RAB28: variants seen among roughly 807,000 people sequenced by gnomAD.
RAB28 encodes RAB28, member RAS oncogene family, also known as ras-related protein Rab-28.
Under a neutral mutation model 31.7 loss-of-function variants are expected in RAB28, and 24 were observed. The observed-to-expected ratio is 0.76, with a 90% confidence interval of 0.55 to 1.06. RAB28 has a LOEUF of 1.06. Among genes scored for constraint, RAB28 ranks in the 50% least tolerant of loss-of-function variants. The pLI is 0.00. For missense variants in RAB28, 254 were observed against 258.5 expected (o/e 0.98, Z 0.12); for synonymous variants, 100 against 90.4 (o/e 1.11, Z -0.60).
At chr4:13,450,203 T>A (rs11733647) in intron 4 of RAB28, among the ~76,000 whole-genome samples, 8,495 of 151,834 alleles carry the variant, frequency 0.056, 544 homozygotes, top group African/African-American at 0.16. Flanking sequence ...AAATAAAAAG[T>A]CAAAAGCTTA....
At chr4:13,468,995 T>C (rs1715996318) in intron 3 of RAB28, among the ~76,000 whole-genome samples, 10 of 151,794 alleles carry the variant, frequency 6.6e-5, no homozygotes, top group Admixed American at 6.6e-4. Context: ...AGACACACAT[T>C]ACCAAAACTA....
At chr4:13,412,668 G>C (rs577508046) in intron 4 of RAB28, among the ~76,000 whole-genome samples, 5 of 151,914 alleles carry the variant, frequency 3.3e-5, no homozygotes, top group Admixed American at 2.6e-4. Context: ...TTTATACAAA[G>C]GCACAACAAG....
chr4:13,469,601 AG>A (rs1441783549), intron 3 of RAB28, among the ~76,000 whole-genome samples: 1 of 152,086 alleles, frequency 6.6e-6, no homozygotes, highest in Non-Finnish European at 1.5e-5. Context: ...TAGTTTATAT[AG>A]TACTTCGTTT....
chr4:13,450,888 T>C (rs1435972569), intron 4 of RAB28, among the ~76,000 whole-genome samples: 1 of 151,800 alleles, frequency 6.6e-6, no homozygotes. Flanking sequence ...AAAATAAACA[T>C]GCCTTGCACT....
intron 5 of RAB28, among the ~76,000 whole-genome samples, chr4:13,377,099 C>G (rs1355795712): frequency 2.6e-5 from 4 of 151,994 alleles, no homozygotes; most frequent in Non-Finnish European, 1.5e-5. Context: ...TCATATCATT[C>G]CAGCAAATTC....
rs145460311 is a variant in RAB28 at position 13,469,472 on chromosome 4, A to C, written c.261+4846T>G. On this transcript the variant is annotated intron_variant, in intron 3 of 6. Coordinates refer to ENST00000330852, the MANE Select transcript of RAB28 (RefSeq NM_001017979.3). Reference sequence around the variant, plus strand: ...TTTCAAGTTTAATAAATCCCTCTTCAACAATAGTTTCCTTCATTTTATGCC... The same window carrying C: ...TTTCAAGTTTAATAAATCCCTCTTCCACAATAGTTTCCTTCATTTTATGCC... Among the ~76,000 whole-genome samples the C allele has an allele frequency of 5.7e-4, 87 of 152,096 alleles. 1 individual carries two copies. Among genetic ancestry groups the C allele is most frequent in the Middle Eastern group, 3.4e-3 (1 of 294 alleles).
intron 3 of RAB28, among the ~76,000 whole-genome samples, chr4:13,463,941 A>G (rs1715719081): frequency 6.6e-6 from 1 of 152,140 alleles, no homozygotes; most frequent in Admixed American, 6.6e-5. Flanking sequence ...AGAAAAAGGC[A>G]GAACAAACTG....
At chr4:13,455,283 A>G (rs1715236091) in intron 4 of RAB28, among the ~76,000 whole-genome samples, 1 of 152,188 alleles carries the variant, frequency 6.6e-6, no homozygotes, top group Non-Finnish European at 1.5e-5. Context: ...CAGTGGTTCA[A>G]GGATCTCTCC....
chr4:13,428,909 A>C (rs1181400795), intron 4 of RAB28, among the ~76,000 whole-genome samples: 1 of 152,002 alleles, frequency 6.6e-6, no homozygotes, highest in Non-Finnish European at 1.5e-5. Context: ...AATGCCGAAG[A>C]AGCATTTGGC....
intron 4 of RAB28, among the ~76,000 whole-genome samples, chr4:13,437,011 A>G (rs983254520): frequency 1.3e-5 from 2 of 152,190 alleles, no homozygotes; most frequent in Non-Finnish European, 2.9e-5. Flanking sequence ...TAACAAATAG[A>G]CACATAGACC....
At chr4:13,457,652 C>T (rs1715370554) in intron 4 of RAB28, among the ~76,000 whole-genome samples, 1 of 151,760 alleles carries the variant, frequency 6.6e-6, no homozygotes, top group African/African-American at 2.4e-5. Context: ...TATTAAATCT[C>T]CAACATAACA....
intron 4 of RAB28, among the ~76,000 whole-genome samples, chr4:13,433,052 C>A (rs1713897400): frequency 6.6e-6 from 1 of 150,606 alleles, no homozygotes; most frequent in African/African-American, 2.4e-5. Flanking sequence ...CAACCTTATG[C>A]TGCTGTGAAG....
intron 4 of RAB28, among the ~76,000 whole-genome samples, chr4:13,391,612 T>C (rs1189482677): frequency 2.4e-4 from 36 of 152,168 alleles, no homozygotes. Context: ...ACACGTATGT[T>C]TATTGTGGCA....
At chr4:13,397,736 G>A (rs965923222) in intron 4 of RAB28, among the ~76,000 whole-genome samples, 1 of 151,828 alleles carries the variant, frequency 6.6e-6, no homozygotes, top group East Asian at 1.9e-4. Flanking sequence ...TGAAACTTGC[G>A]GATTTTCTCT....
intron 2 of RAB28, among the ~76,000 whole-genome samples, chr4:13,477,573 C>T (rs151158058): frequency 2.8e-3 from 420 of 151,084 alleles, no homozygotes; most frequent in African/African-American, 9.6e-3. Flanking sequence ...AAACAAAATA[C>T]ATTAAAATAT....
chr4:13,415,633 G>A (rs144839909), intron 4 of RAB28, among the ~76,000 whole-genome samples: 3,010 of 152,226 alleles, frequency 0.02, 33 homozygotes, highest in African/African-American at 0.031. Context: ...CCTGCAGCCC[G>A]CCATGCCTGA....
chr4:13,414,812 A>G (rs1384698764), intron 4 of RAB28, among the ~76,000 whole-genome samples: 1 of 152,260 alleles, frequency 6.6e-6, no homozygotes, highest in Non-Finnish European at 1.5e-5. Context: ...ATTATGAATA[A>G]GCAAAATGAG....
chr4:13,419,258 T>C (rs1712975817), intron 4 of RAB28, among the ~76,000 whole-genome samples: 1 of 152,222 alleles, frequency 6.6e-6, no homozygotes, highest in East Asian at 1.9e-4. Context: ...AGCAAGTCCT[T>C]AGAGACCTAG....
intron 3 of RAB28, among the ~76,000 whole-genome samples, chr4:13,465,754 A>AACACACACACAC (rs33979911): frequency 0.02 from 2,772 of 142,122 alleles, 84 homozygotes; most frequent in African/African-American, 0.068. Context: ...GGCAATCATG[A>AACACACACACAC]ACACACACAC....
Sources: gnomAD v4.1 joint callset for allele counts (sites outside exome capture counted in the v4.1 genomes callset) on GRCh38, gnomAD v4.1.1 for gene constraint, MANE v1.5 for transcripts, NCBI Gene and HGNC (gene_info 2026-07-23, HGNC 2026-07-21) for gene names.